RCOR3: variants seen among roughly 807,000 people sequenced by gnomAD.
The protein encoded by RCOR3 is REST corepressor 3.
A neutral mutation model predicts 64.1 loss-of-function variants in RCOR3; 13 were observed. The ratio of observed to expected loss-of-function variants is 0.20; its 90% CI spans 0.13 to 0.32. The LOEUF is 0.32. RCOR3 is among the 10% of genes least tolerant of loss of function. RCOR3 has a pLI of 1.00. For missense variants in RCOR3, 489 were observed against 701.2 expected (o/e 0.70, Z 3.42); for synonymous variants, 215 against 239.0 (o/e 0.90, Z 0.93).
intron 2 of RCOR3, among the ~76,000 whole-genome samples, chr1:211,268,958 T>C (rs964342385): frequency 2.6e-5 from 4 of 152,148 alleles, no homozygotes; most frequent in African/African-American, 7.2e-5. Flanking sequence ...TCTCTAAAAA[T>C]AAAAATATTT....
Position 211,314,765 on chromosome 1 carries a change from A to T in RCOR3, c.*997A>T, listed in dbSNP as rs1464877433. 6.6e-6 allele frequency: 1 copy of T among 152,180 alleles called. No homozygotes were observed. The highest frequency in any genetic ancestry group is 2.4e-5 in the African/African-American group (1 of 41,456). 9.4% of individuals were successfully genotyped at this position (152,180 alleles called of 1,614,324 possible). ...GGTTTCTGAACTTAAAATTGCCCTC[A>T]TACTTAATAATATGGTCTGCATTTA... On this transcript the variant is annotated 3_prime_UTR_variant, in exon 12 of 12. Coordinates refer to ENST00000419091, the MANE Select transcript of RCOR3 (RefSeq NM_001136223.3).
chr1:211,272,805 T>C lies in RCOR3; in HGVS notation c.302-1405T>C, dbSNP rs932783267. Among the ~76,000 whole-genome samples the C allele has an allele frequency of 4.0e-5, 6 of 150,900 alleles. No individual in the cohort carries two copies. In the East Asian group the frequency reaches 1.2e-3, roughly 29 times the overall value. On this transcript the variant is annotated intron_variant, in intron 3 of 11. Transcript: ENST00000419091. ...CCCGGCTAATTTTTTGTATTTTTAG[T>C]AGAGACGGGGTTTCACCGTTTTAGC...
At chr1:211,266,161 A>C (rs1170068321) in intron 2 of RCOR3, among the ~76,000 whole-genome samples, 1 of 152,174 alleles carries the variant, frequency 6.6e-6, no homozygotes, top group Non-Finnish European at 1.5e-5. Context: ...TTGTTTACCC[A>C]AGTTTGAAGT....
chr1:211,293,994 T>C (rs140649339), intron 8 of RCOR3, among the ~76,000 whole-genome samples: 334 of 152,350 alleles, frequency 2.2e-3, no homozygotes, highest in African/African-American at 7.6e-3. Flanking sequence ...GGAAGGTTTC[T>C]TAACTTCTCT....
intron 2 of RCOR3, among the ~76,000 whole-genome samples, chr1:211,269,361 G>A (rs939511030): frequency 3.3e-5 from 5 of 152,172 alleles, no homozygotes; most frequent in Non-Finnish European, 5.9e-5. Flanking sequence ...ACTTTGGGAG[G>A]CTGAGGCAGG....
intron 10 of RCOR3, among the ~76,000 whole-genome samples, chr1:211,305,895 C>T (rs1700802547): frequency 6.6e-6 from 1 of 152,088 alleles, no homozygotes; most frequent in South Asian, 2.1e-4. Context: ...AACATTTCCT[C>T]TGTACTGAGG....
chr1:211,290,281 C>T (rs749459613), intron 8 of RCOR3, among the ~76,000 whole-genome samples: 2 of 152,198 alleles, frequency 1.3e-5, no homozygotes, highest in Non-Finnish European at 2.9e-5. Flanking sequence ...TTCCAGCTGC[C>T]TGCTAGGTCT....
At chr1:211,267,960 A>G in intron 2 of RCOR3, 2 of 292,210 alleles carry the variant, frequency 6.8e-6, no homozygotes, top group South Asian at 2.7e-5. Context: ...AGGGACATTT[A>G]ATGAAGATAT....
chr1:211,296,605 G>A (rs2102611150), intron 9 of RCOR3, among the ~76,000 whole-genome samples: 1 of 152,192 alleles, frequency 6.6e-6, no homozygotes, highest in East Asian at 1.9e-4. Context: ...TGTACCATAT[G>A]CCATCTTAGT....
At chr1:211,282,047 A>G (rs376452440) in intron 7 of RCOR3, among the ~76,000 whole-genome samples, 7 of 152,218 alleles carry the variant, frequency 4.6e-5, no homozygotes, top group South Asian at 2.1e-4. Context: ...CCTAGAAAAT[A>G]TATGTATGTA....
At chr1:211,281,360 C>G (rs1392116157) in intron 7 of RCOR3, among the ~76,000 whole-genome samples, 2 of 152,122 alleles carry the variant, frequency 1.3e-5, no homozygotes, top group Non-Finnish European at 2.9e-5. Context: ...GATTTGATCT[C>G]TCTGTTCTTC....
intron 9 of RCOR3, among the ~76,000 whole-genome samples, chr1:211,297,593 A>G (rs1382685753): frequency 6.6e-6 from 1 of 152,198 alleles, no homozygotes. Context: ...TTGATTTATT[A>G]TAAAAATAAT....
At chr1:211,259,846 A>G (rs575224994) in intron 1 of RCOR3, 120 bp downstream of exon 1, 1 of 969,564 alleles carries the variant, frequency 1.0e-6, no homozygotes, top group African/African-American at 2.1e-5. Flanking sequence ...GCGCTGCGGT[A>G]GCCTCGAACT....
At chr1:211,263,098 C>T (rs149679926) in intron 2 of RCOR3, among the ~76,000 whole-genome samples, 6,143 of 146,152 alleles carry the variant, frequency 0.042, 402 homozygotes, top group African/African-American at 0.15. Flanking sequence ...GTTCAGTTCC[C>T]ATCTATGAGT....
chr1:211,298,000 T>C (rs1269206724), intron 9 of RCOR3, among the ~76,000 whole-genome samples: 1 of 152,238 alleles, frequency 6.6e-6, no homozygotes, highest in Non-Finnish European at 1.5e-5. Flanking sequence ...ATTTCTTATT[T>C]TCATTTAGGG....
At chr1:211,266,617 G>C (rs1386144877) in intron 2 of RCOR3, among the ~76,000 whole-genome samples, 3 of 152,106 alleles carry the variant, frequency 2.0e-5, no homozygotes, top group Admixed American at 2.0e-4. Flanking sequence ...TACTTCTAAG[G>C]CATGGTTGTT....
At chr1:211,292,686 C>A (rs919143965) in intron 8 of RCOR3, among the ~76,000 whole-genome samples, 1 of 152,124 alleles carries the variant, frequency 6.6e-6, no homozygotes, top group Non-Finnish European at 1.5e-5. Flanking sequence ...ATCTGTTCCA[C>A]GTTTTGTATT....
intron 3 of RCOR3, among the ~76,000 whole-genome samples, chr1:211,272,611 A>ATTTTTT (rs1558054249): frequency 3.4e-4 from 6 of 17,550 alleles, no homozygotes; most frequent in South Asian, 2.6e-3. Flanking sequence ...TGGATGTCTT[A>ATTTTTT]CTTTTTTTTT....
At chr1:211,268,949 C>A (rs1695701024) in intron 2 of RCOR3, among the ~76,000 whole-genome samples, 1 of 151,910 alleles carries the variant, frequency 6.6e-6, no homozygotes, top group Admixed American at 6.6e-5. Flanking sequence ...TATGATGCTT[C>A]TCTAAAAATA....
Sources: gnomAD v4.1 joint callset for allele counts (sites outside exome capture counted in the v4.1 genomes callset) on GRCh38, gnomAD v4.1.1 for gene constraint, MANE v1.5 for transcripts, NCBI Gene and HGNC (gene_info 2026-07-23, HGNC 2026-07-21) for gene names.